EPHA4: variants seen among roughly 807,000 people sequenced by gnomAD.
The protein encoded by EPHA4 is EPH receptor A4.
A neutral mutation model predicts 108.3 loss-of-function variants in EPHA4; 19 were observed. The ratio of observed to expected loss-of-function variants is 0.18; its 90% CI spans 0.12 to 0.26. The LOEUF is 0.26. Among genes scored for constraint, EPHA4 ranks in the 10% least tolerant of loss-of-function variants. EPHA4 has a pLI of 1.00. For missense variants in EPHA4, 917 were observed against 1,254.0 expected, an observed-to-expected ratio of 0.73 and a Z score of 4.06; for synonymous variants, 449 against 455.5, an observed-to-expected ratio of 0.99 and a Z score of 0.18.
At chr2:221,496,686 T>A (rs1467488317) in intron 4 of EPHA4, among the ~76,000 whole-genome samples, 2 of 152,158 alleles carry the variant, frequency 1.3e-5, no homozygotes, top group Non-Finnish European at 2.9e-5. Flanking sequence ...GGTGGGTGGA[T>A]CACCTGAGGT....
chr2:221,567,164 T>C (rs1156327985), intron 2 of EPHA4, among the ~76,000 whole-genome samples: 2 of 152,148 alleles, frequency 1.3e-5, no homozygotes, highest in Admixed American at 6.5e-5. Context: ...ATTAGATGTA[T>C]ATACTCTCTT....
chr2:221,461,985 C>CTT (rs71050335), intron 5 of EPHA4, among the ~76,000 whole-genome samples: 65,187 of 138,686 alleles, frequency 0.47, 15,924 homozygotes, highest in Non-Finnish European at 0.54. Flanking sequence ...TGAACACATT[C>CTT]TTTTTTTTTT....
At chr2:221,475,613 G>A (rs1691629488) in intron 5 of EPHA4, among the ~76,000 whole-genome samples, 1 of 152,126 alleles carries the variant, frequency 6.6e-6, no homozygotes, top group Non-Finnish European at 1.5e-5. Context: ...CGCTTTGCCG[G>A]ACATTTGCCC....
intron 3 of EPHA4, among the ~76,000 whole-genome samples, chr2:221,515,496 T>A (rs1371368165): frequency 2.0e-5 from 3 of 152,216 alleles, no homozygotes; most frequent in African/African-American, 7.2e-5. Flanking sequence ...AAAGTACTCT[T>A]AATCAACAAT....
chr2:221,570,881 G>A (rs904867643), intron 1 of EPHA4, among the ~76,000 whole-genome samples: 1 of 151,952 alleles, frequency 6.6e-6, no homozygotes, highest in Non-Finnish European at 1.5e-5. Flanking sequence ...ACGGATGCAC[G>A]GAGAGATGGA....
At chr2:221,436,639 A>G (rs1432382225) in intron 12 of EPHA4, 31 bp from the exon 13 acceptor site, 2 of 1,591,630 alleles carry the variant, frequency 1.3e-6, no homozygotes, top group Non-Finnish European at 1.7e-6. Context: ...GAACAATCTC[A>G]TTAGCATTAG....
chr2:221,475,324 G>A (rs1691622306), intron 5 of EPHA4, among the ~76,000 whole-genome samples: 2 of 152,110 alleles, frequency 1.3e-5, no homozygotes, highest in Admixed American at 6.5e-5. Context: ...AAAAATTTGT[G>A]GTTCAAGAAA....
At chr2:221,449,091 T>C (rs555435460) in intron 8 of EPHA4, among the ~76,000 whole-genome samples, 31 of 152,266 alleles carry the variant, frequency 2.0e-4, no homozygotes, top group African/African-American at 7.5e-4. Context: ...GAGTGTTATT[T>C]GGAGGAGAGG....
intron 3 of EPHA4, among the ~76,000 whole-genome samples, chr2:221,554,881 T>C (rs1051727436): frequency 2.0e-5 from 3 of 152,218 alleles, no homozygotes; most frequent in Non-Finnish European, 4.4e-5. Context: ...CAGAACTTCC[T>C]GAGCTCTGAC....
At position 221,426,127 on chromosome 2, in the gene EPHA4, A is replaced by G. The variant is rs781639828; in HGVS notation, c.2862T>C (p.Ile954=). ...VHVNQEDLAR[I]GITAITHQNK... ...TCTGGTGCGTGATGGCTGTGATACC[A>G]ATTCTTGCCAGGTCCCTGTACATAG... is the stretch of plus-strand genomic sequence containing the variant. The change falls in exon 17 of 18, where the codon ATT becomes ATC. Residue 954 remains isoleucine (I), a synonymous_variant. Transcript: ENST00000281821. 48 of 1,613,960 alleles carry G rather than the reference A, an allele frequency of 3.0e-5. No homozygotes were observed. The Admixed American group carries it at 5.7e-4, about 19-fold the overall frequency.
chr2:221,508,547 C>A (rs778278128), intron 3 of EPHA4, among the ~76,000 whole-genome samples: 1 of 150,554 alleles, frequency 6.6e-6, no homozygotes, highest in Non-Finnish European at 1.5e-5. Flanking sequence ...CCACTGCACT[C>A]CAGCCTGGGC....
chr2:221,468,238 A>T (rs1394096518), intron 5 of EPHA4, among the ~76,000 whole-genome samples: 3 of 152,092 alleles, frequency 2.0e-5, no homozygotes, highest in Non-Finnish European at 2.9e-5. Context: ...CAGAGGAAAA[A>T]AAAAAGGCCC....
At chr2:221,455,438 G>T in intron 8 of EPHA4, 109 bp downstream of exon 8, 1 of 814,238 alleles carries the variant, frequency 1.2e-6, no homozygotes, top group Non-Finnish European at 2.0e-6. Context: ...GGATGCAGAT[G>T]CCAAGTTTAT....
intron 4 of EPHA4, among the ~76,000 whole-genome samples, chr2:221,489,999 A>G (rs1273084428): frequency 6.6e-6 from 1 of 152,024 alleles, no homozygotes; most frequent in Non-Finnish European, 1.5e-5. Context: ...TATAAAAATT[A>G]GCCAGGTGTA....
chr2:221,514,286 C>T (rs1692928480), intron 3 of EPHA4, among the ~76,000 whole-genome samples: 1 of 152,118 alleles, frequency 6.6e-6, no homozygotes, highest in African/African-American at 2.4e-5. Context: ...ACCACATCCA[C>T]AAAAGGGAAC....
intron 1 of EPHA4, among the ~76,000 whole-genome samples, chr2:221,570,998 G>C (rs1694819207): frequency 3.3e-5 from 5 of 152,144 alleles, no homozygotes; most frequent in Admixed American, 3.3e-4. Flanking sequence ...ACGCAGGCCA[G>C]AGCACCAGCA....
At chr2:221,498,918 G>A (rs1323412104) in intron 4 of EPHA4, among the ~76,000 whole-genome samples, 1 of 151,292 alleles carries the variant, frequency 6.6e-6, no homozygotes, top group African/African-American at 2.4e-5. Context: ...AGCCTCCTGA[G>A]CAGCTGGGAT....
intron 4 of EPHA4, among the ~76,000 whole-genome samples, chr2:221,495,018 A>C (rs1055216873): frequency 2.0e-5 from 3 of 152,134 alleles, no homozygotes; most frequent in Admixed American, 6.5e-5. Flanking sequence ...AAAAAAAAAA[A>C]AAAAAACTTC....
At chr2:221,539,064 G>A (rs1693756079) in intron 3 of EPHA4, among the ~76,000 whole-genome samples, 1 of 152,118 alleles carries the variant, frequency 6.6e-6, no homozygotes. Flanking sequence ...GGGGTCTAGA[G>A]CCCAGCCTAC....
Sources: gnomAD v4.1 joint callset for allele counts (sites outside exome capture counted in the v4.1 genomes callset) on GRCh38, gnomAD v4.1.1 for gene constraint, MANE v1.5 for transcripts, NCBI Gene and HGNC (gene_info 2026-07-23, HGNC 2026-07-21) for gene names.